GPC5: variants seen among roughly 807,000 people sequenced by gnomAD.
GPC5 encodes the protein glypican 5, also known as glypican-5.
GPC5 carries 47 observed loss-of-function variants against 53.9 expected under a neutral mutation model. That is an observed-to-expected ratio of 0.87 (90% CI 0.69 to 1.11). GPC5 has a LOEUF of 1.11. Ranked by LOEUF, GPC5 falls within the 50% of genes most tolerant of loss-of-function variation. The pLI, the probability that GPC5 is intolerant of heterozygous loss-of-function variation, is 0.00. For missense variants in GPC5, 748 were observed against 713.1 expected, an observed-to-expected ratio of 1.05 and a Z score of -0.56; for synonymous variants, 286 against 263.3, an observed-to-expected ratio of 1.09 and a Z score of -0.84.
At chr13:92,408,502 A>AT in intron 7 of GPC5, among the ~76,000 whole-genome samples, 1 of 152,048 alleles carries the variant, frequency 6.6e-6, no homozygotes, top group Non-Finnish European at 1.5e-5. Flanking sequence ...AGTCATCTGT[A>AT]ACTAAGTCTC....
chr13:92,333,165 G>C (rs1055278390), intron 7 of GPC5, among the ~76,000 whole-genome samples: 2 of 152,080 alleles, frequency 1.3e-5, no homozygotes, highest in Non-Finnish European at 2.9e-5. Flanking sequence ...AACTCCAGGG[G>C]AACCCACAAA....
intron 7 of GPC5, among the ~76,000 whole-genome samples, chr13:92,429,306 G>T (rs1162392982): frequency 6.6e-6 from 1 of 151,848 alleles, no homozygotes; most frequent in East Asian, 1.9e-4. Context: ...AAAACTGTAT[G>T]CAAGATAGTC....
At chr13:91,943,309 A>G (rs568096346) in intron 6 of GPC5, among the ~76,000 whole-genome samples, 2 of 151,938 alleles carry the variant, frequency 1.3e-5, no homozygotes, top group African/African-American at 4.8e-5. Context: ...GTATGTTATT[A>G]TTTTGGCAAT....
intron 7 of GPC5, among the ~76,000 whole-genome samples, chr13:92,152,511 T>C (rs755275093): frequency 3.9e-5 from 6 of 152,112 alleles, no homozygotes; most frequent in Non-Finnish European, 7.4e-5. Flanking sequence ...AATGCTTCTA[T>C]AAATTAGTAA....
intron 2 of GPC5, among the ~76,000 whole-genome samples, chr13:91,632,209 TC>T (rs1426883717): frequency 6.6e-6 from 1 of 152,116 alleles, no homozygotes; most frequent in South Asian, 2.1e-4. Flanking sequence ...TAAAATGATA[TC>T]CTTGTAAAAT....
intron 7 of GPC5, among the ~76,000 whole-genome samples, chr13:92,355,388 T>C (rs1425570640): frequency 6.6e-6 from 1 of 152,152 alleles, no homozygotes; most frequent in Non-Finnish European, 1.5e-5. Flanking sequence ...CTGCTCCCCC[T>C]GCAGACTCTG....
At chr13:92,506,701 C>T (rs998257936) in intron 7 of GPC5, among the ~76,000 whole-genome samples, 1 of 152,138 alleles carries the variant, frequency 6.6e-6, no homozygotes, top group African/African-American at 2.4e-5. Flanking sequence ...ACGTAGGAAG[C>T]TCTTCTACTT....
chr13:91,732,825 T>A (rs1235040983), intron 4 of GPC5, among the ~76,000 whole-genome samples: 1 of 152,192 alleles, frequency 6.6e-6, no homozygotes, highest in African/African-American at 2.4e-5. Context: ...GAAGATCAGA[T>A]GGTTGTAGAT....
intron 7 of GPC5, among the ~76,000 whole-genome samples, chr13:92,183,842 T>C: frequency 6.6e-6 from 1 of 152,082 alleles, no homozygotes; most frequent in East Asian, 1.9e-4. Flanking sequence ...AAGATTGTCA[T>C]CTTTTTAAAT....
intron 7 of GPC5, among the ~76,000 whole-genome samples, chr13:92,207,991 A>T (rs1188387446): frequency 6.6e-6 from 1 of 152,242 alleles, no homozygotes; most frequent in Non-Finnish European, 1.5e-5. Flanking sequence ...CTGAGGGAAT[A>T]GCCATGTGTA....
intron 2 of GPC5, among the ~76,000 whole-genome samples, chr13:91,663,752 T>C (rs931020670): frequency 6.6e-6 from 1 of 152,142 alleles, no homozygotes; most frequent in Non-Finnish European, 1.5e-5. Context: ...GCATTAGTCA[T>C]AGCTTCCAGC....
intron 7 of GPC5, among the ~76,000 whole-genome samples, chr13:92,539,058 T>C (rs1881836953): frequency 6.9e-6 from 1 of 145,432 alleles, no homozygotes; most frequent in Non-Finnish European, 1.5e-5. Flanking sequence ...TTTGGGTATA[T>C]AGTAGAATGA....
At position 92,039,784 on chromosome 13, in the gene GPC5, A is replaced by C. The variant is rs1382914708; in HGVS notation, c.1402-105046A>C. On this transcript the variant is annotated intron_variant, in intron 6 of 7. Coordinates refer to ENST00000377067, the MANE Select transcript of GPC5 (RefSeq NM_004466.6). ...TCTATGTGTGTGCACATGTCTGTTCAAATTTCCTCTTCTTGAAATAAAATC... is the reference window on the plus strand; with the variant it reads ...TCTATGTGTGTGCACATGTCTGTTCCAATTTCCTCTTCTTGAAATAAAATC... Among the ~76,000 whole-genome samples the C allele has an allele frequency of 4.6e-5, 7 of 152,184 alleles. No homozygotes were observed. In the East Asian group the frequency reaches 1.2e-3, roughly 25 times the overall value.
At chr13:92,667,185 T>G (rs1247987553) in intron 7 of GPC5, among the ~76,000 whole-genome samples, 1 of 152,104 alleles carries the variant, frequency 6.6e-6, no homozygotes, top group Non-Finnish European at 1.5e-5. Context: ...GGCATGCATG[T>G]GCACGCATGT....
intron 7 of GPC5, among the ~76,000 whole-genome samples, chr13:92,715,878 T>C (rs1888311442): frequency 6.6e-6 from 1 of 152,080 alleles, no homozygotes; most frequent in Non-Finnish European, 1.5e-5. Context: ...AATCTAAACT[T>C]GTGTGTGTGT....
chr13:92,383,577 T>C (rs2043768104), intron 7 of GPC5, among the ~76,000 whole-genome samples: 1 of 152,196 alleles, frequency 6.6e-6, no homozygotes, highest in Admixed American at 6.5e-5. Flanking sequence ...TCTTTGATAA[T>C]ATGACTATTA....
intron 2 of GPC5, among the ~76,000 whole-genome samples, chr13:91,470,504 T>G (rs900884990): frequency 6.6e-6 from 1 of 152,206 alleles, no homozygotes; most frequent in Non-Finnish European, 1.5e-5. Flanking sequence ...GTGAAAATTT[T>G]TATGGCATCG....
rs181673931 is a variant in GPC5, at chr13:91,682,512, C to T, written c.326-10675C>T. ...AGAGGCAAGGAAGTCAGGAAATTTA[C>T]ACGCATGGGACTAGCATCTAATTAT... On this transcript the variant is annotated intron_variant, in intron 2 of 7. Transcript: ENST00000377067. Among the ~76,000 whole-genome samples the T allele has an allele frequency of 1.2e-3, 181 of 152,236 alleles. 2 individuals are homozygous for T. The highest frequency in any genetic ancestry group is 3.3e-3 in the African/African-American group (138 of 41,546).
At chr13:92,072,115 A>G (rs933341956) in intron 6 of GPC5, among the ~76,000 whole-genome samples, 1 of 146,884 alleles carries the variant, frequency 6.8e-6, no homozygotes, top group Non-Finnish European at 1.5e-5. Flanking sequence ...TTATTGAATG[A>G]ATGATTAATA....
Sources: allele counts gnomAD v4.1 joint callset (sites outside exome capture counted in the v4.1 genomes callset), GRCh38; gene constraint gnomAD v4.1.1; transcripts MANE v1.5; gene names NCBI Gene and HGNC (gene_info 2026-07-23, HGNC 2026-07-21).